The following CHM variants were observed in gnomAD, a reference collection of about 807,000 sequenced individuals.
The protein encoded by CHM is rab proteins geranylgeranyltransferase component A 1.
A neutral mutation model predicts 49.0 loss-of-function variants in CHM; 10 were observed. The observed-to-expected ratio is 0.20, with a 90% CI of 0.13 to 0.35. The LOEUF (loss-of-function observed/expected upper bound fraction) is 0.35, where lower values mean the gene tolerates loss of function less well. Among genes scored for constraint, CHM ranks in the 10% least tolerant of loss-of-function variants. The probability of loss-of-function intolerance (pLI) is 1.00; values close to 1 mark genes in which losing one functional copy is unlikely to be tolerated. For missense variants in CHM, 455 were observed against 478.4 expected (o/e 0.95, Z 0.46); for synonymous variants, 184 against 167.5 (o/e 1.10, Z -0.76).
chrX:85,930,164 C>T (rs1016473940), intron 8 of CHM, among the ~76,000 whole-genome samples: 2 of 111,505 alleles, frequency 1.8e-5, no homozygotes, highest in African/African-American at 6.5e-5. Context: ...TAAACCATAC[C>T]TAACATGCCT....
rs1284378299 is a variant in CHM at position 85,981,206 on chromosome X, C to CTATATATATATATATATATATA, written c.189+530_189+531insTATATATATATATATATATATA. 6.2e-3 allele frequency among the ~76,000 whole-genome samples: 336 copies of CTATATATATATATATATATATA among 54,297 alleles called. 9 individuals are homozygous for CTATATATATATATATATATATA. The highest frequency in any genetic ancestry group is 0.019 in the African/African-American group (321 of 16,547). 47.2% of individuals were successfully genotyped at this position (54,297 alleles called of 115,157 possible). On this transcript the variant is annotated intron_variant, in intron 3 of 14. Coordinates refer to ENST00000357749, the MANE Select transcript of CHM (RefSeq NM_000390.4). The stretch of plus-strand genomic sequence containing the variant: ...TACTCTTCAACCAACATTTCTATTT[C>CTATATATATATATATATATATA]TATATATATATATAGACACACATAT...
intron 4 of CHM, among the ~76,000 whole-genome samples, chrX:85,972,522 C>T (rs955337847): frequency 8.2e-4 from 93 of 113,291 alleles, no homozygotes; most frequent in African/African-American, 2.8e-3. Flanking sequence ...CAGCTAAGGC[C>T]CGGTGAGAAA....
intron 2 of CHM, among the ~76,000 whole-genome samples, chrX:85,993,486 C>T (rs1324248166): frequency 1.8e-5 from 2 of 111,942 alleles, no homozygotes; most frequent in Non-Finnish European, 3.8e-5. Context: ...CAAAGGTTTC[C>T]CTGCCTGTAG....
chrX:85,934,585 T>C (rs750141618), intron 8 of CHM, among the ~76,000 whole-genome samples: 17 of 109,304 alleles, frequency 1.6e-4, no homozygotes, highest in African/African-American at 5.7e-4. Flanking sequence ...GTTTCCAGCT[T>C]CACTGATGTC....
At chrX:85,897,451 T>G (rs1362690421) in intron 11 of CHM, among the ~76,000 whole-genome samples, 1 of 107,343 alleles carries the variant, frequency 9.3e-6, no homozygotes, top group Non-Finnish European at 1.9e-5. Flanking sequence ...ACAAGAGCAC[T>G]TGTCAAAAGG....
chrX:85,906,479 T>C (rs1330797388), intron 9 of CHM, among the ~76,000 whole-genome samples: 1 of 111,927 alleles, frequency 8.9e-6, no homozygotes, highest in Non-Finnish European at 1.9e-5. Context: ...GAAGTAGGTG[T>C]AGTCAATTGT....
At chrX:85,923,861 C>T (rs1455814341) in intron 8 of CHM, among the ~76,000 whole-genome samples, 4 of 110,327 alleles carry the variant, frequency 3.6e-5, no homozygotes, top group Non-Finnish European at 7.6e-5. Context: ...AAGAAACTGA[C>T]CACATGAAAG....
chrX:85,937,935 G>A (rs536938022), intron 8 of CHM, among the ~76,000 whole-genome samples: 1 of 110,814 alleles, frequency 9.0e-6, no homozygotes, highest in Non-Finnish European at 1.9e-5. Context: ...TATAGCCAAT[G>A]TAATTCCAAT....
chrX:85,971,106 ATATATT>A (rs1372070472), intron 4 of CHM: 1 of 643,187 alleles, frequency 1.6e-6, no homozygotes, highest in Non-Finnish European at 1.9e-6. Context: ...AATACACCCT[ATATATT>A]TATATTAGAA....
At chrX:85,986,005 C>G (rs5967661) in intron 2 of CHM, among the ~76,000 whole-genome samples, 18,972 of 110,628 alleles carry the variant, frequency 0.17, 1,564 homozygotes, top group Middle Eastern at 0.26. Flanking sequence ...GCCTCTGCAG[C>G]AGACTTCCCT....
chrX:85,868,019 C>CTGTGTG (rs36027427), intron 14 of CHM, among the ~76,000 whole-genome samples: 3,802 of 95,743 alleles, frequency 0.04, 89 homozygotes, highest in Middle Eastern at 0.057. Flanking sequence ...ATAGTTACCA[C>CTGTGTG]TGTGTGTGTG....
At chrX:85,971,159 C>T (rs973166762) in intron 4 of CHM, 1 of 751,103 alleles carries the variant, frequency 1.3e-6, no homozygotes, top group Non-Finnish European at 1.6e-6. Context: ...AATACTTTGA[C>T]GTATTTTCCA....
At chrX:85,895,126 G>GTT (rs753774142) in intron 11 of CHM, among the ~76,000 whole-genome samples, 3 of 89,413 alleles carry the variant, frequency 3.4e-5, no homozygotes, top group Non-Finnish European at 4.5e-5. Flanking sequence ...TCAGGTCAAT[G>GTT]TTTTTTTTTG....
chrX:86,001,921 C>T (rs748886830), intron 2 of CHM, among the ~76,000 whole-genome samples: 20 of 111,080 alleles, frequency 1.8e-4, no homozygotes, highest in Non-Finnish European at 3.6e-4. Flanking sequence ...ATTAAGCCAG[C>T]CCCATGGTGT....
intron 9 of CHM, among the ~76,000 whole-genome samples, chrX:85,906,429 C>T (rs772105445): frequency 1.7e-4 from 19 of 111,970 alleles, no homozygotes; most frequent in African/African-American, 6.2e-4. Flanking sequence ...AATGGTTCTA[C>T]AAGTTTTGTC....
chrX:86,004,170 T>C (rs1932804162), intron 2 of CHM, among the ~76,000 whole-genome samples: 2 of 111,626 alleles, frequency 1.8e-5, no homozygotes, highest in South Asian at 7.4e-4. Flanking sequence ...GTAACCTTCA[T>C]AAATGCAGGA....
At chrX:85,955,939 T>G (rs2147662644) in intron 8 of CHM, among the ~76,000 whole-genome samples, 1 of 112,352 alleles carries the variant, frequency 8.9e-6, no homozygotes, top group South Asian at 3.7e-4. Context: ...AAAAGGAATT[T>G]ATAGTATTTT....
chrX:86,020,259 C>G (rs1431215769), intron 2 of CHM, among the ~76,000 whole-genome samples: 1 of 111,259 alleles, frequency 9.0e-6, no homozygotes, highest in African/African-American at 3.3e-5. Context: ...GTGAAGCTTT[C>G]CACAAATCTC....
intron 9 of CHM, among the ~76,000 whole-genome samples, chrX:85,908,353 C>T (rs1202896223): frequency 1.8e-5 from 2 of 111,821 alleles, no homozygotes; most frequent in African/African-American, 6.5e-5. Flanking sequence ...AATGGCAAAG[C>T]TGTGTTTGGT....
Sources: allele counts gnomAD v4.1 joint callset (sites outside exome capture counted in the v4.1 genomes callset), GRCh38; gene constraint gnomAD v4.1.1; transcripts MANE v1.5; gene names NCBI Gene and HGNC (gene_info 2026-07-23, HGNC 2026-07-21).